The following PRR5L variants were observed in gnomAD, a reference collection of about 807,000 sequenced individuals.
PRR5L encodes proline-rich protein 5-like.
Under a neutral mutation model 36.4 loss-of-function variants are expected in PRR5L, and 21 were observed. The ratio of observed to expected loss-of-function variants is 0.58; its 90% CI spans 0.41 to 0.83. The LOEUF (loss-of-function observed/expected upper bound fraction) is 0.83. Among genes scored for constraint, PRR5L ranks in the 40% least tolerant of loss-of-function variants. The pLI is 0.00. For synonymous variants in PRR5L, 188 were observed against 197.0 expected (o/e 0.95, Z 0.38); for missense variants, 381 against 473.3 (o/e 0.80, Z 1.81).
chr11:36,427,948 T>TG (rs978156092), intron 4 of PRR5L, among the ~76,000 whole-genome samples: 6 of 152,210 alleles, frequency 3.9e-5, no homozygotes, highest in African/African-American at 1.4e-4. Flanking sequence ...ACATCTGCAC[T>TG]GGGCACTCTT....
intron 4 of PRR5L, among the ~76,000 whole-genome samples, chr11:36,424,816 C>A (rs1258293378): frequency 6.6e-6 from 1 of 151,626 alleles, no homozygotes; most frequent in Non-Finnish European, 1.5e-5. Flanking sequence ...GGTTAGGGCC[C>A]AAGTGATCTG....
rs1316750458 is a variant in PRR5L, at chr11:36,464,835, C to T, written c.*2099C>T. On this transcript the variant is annotated 3_prime_UTR_variant, in exon 9 of 9. Transcript: ENST00000530639. ...AGCAGTCATCAATTAAATATATAAG[C>T]TCTTAAAATGAGAATGGAAGTGTCA... is the stretch of plus-strand genomic sequence containing the variant. 6.6e-6 allele frequency: 1 copy of T among 152,190 alleles called. No homozygotes were observed. The highest frequency in any genetic ancestry group is 1.5e-5 in the Non-Finnish European group (1 of 68,030). The allele number at this position is 152,190 out of a possible 1,614,324, so 9.4% of individuals were successfully genotyped here. A position where few individuals can be genotyped will look rare whatever the true frequency, so the allele number is the denominator to read the frequency against.
Position 36,318,946 on chromosome 11 carries a change from G to T in PRR5L, c.-126+22508G>T, listed in dbSNP as rs115219833. On this transcript the variant is annotated intron_variant, in intron 1 of 8. Coordinates refer to ENST00000530639, the MANE Select transcript of PRR5L (RefSeq NM_001160167.2). ...AGAACTGATTTCCTTGACTTTTCTCGATTTTTTACTAGAAAGGTCCTAATA... is the reference window on the plus strand; with the variant it reads ...AGAACTGATTTCCTTGACTTTTCTCTATTTTTTACTAGAAAGGTCCTAATA... Among the ~76,000 whole-genome samples the T allele has an allele frequency of 2.9e-3, 441 of 152,246 alleles. 6 individuals carry two copies. Among genetic ancestry groups the T allele is most frequent in the African/African-American group, 9.9e-3 (413 of 41,542 alleles).
At chr11:36,376,691 G>C in intron 1 of PRR5L, 5 of 990,682 alleles carry the variant, frequency 5.0e-6, no homozygotes, top group Non-Finnish European at 6.0e-6. Context: ...ATTCACGCCG[G>C]GGACCCCAAG....
chr11:36,449,586 G>A (rs1015248157), intron 7 of PRR5L, among the ~76,000 whole-genome samples: 5 of 152,218 alleles, frequency 3.3e-5, no homozygotes, highest in African/African-American at 9.6e-5. Context: ...TGAGACCACC[G>A]GAATGGTGCA....
intron 3 of PRR5L, among the ~76,000 whole-genome samples, chr11:36,408,326 G>A (rs11033597): frequency 0.23 from 34,598 of 151,476 alleles, 5,592 homozygotes; most frequent in African/African-American, 0.47. Context: ...TCAATATAGC[G>A]GCCAATGTTG....
In PRR5L at chr11:36,464,493, AGATCTGCT is replaced by A. The variant is rs748792021; in HGVS notation, c.*1768_*1775del. On this transcript the variant is annotated 3_prime_UTR_variant, in exon 9 of 9. Transcript: ENST00000530639. ...GTGATGGGAGAGAAATGTCCAAAAG[AGATCTGCT>A]GATCTGCTGAGAGTTTCAAACAAAC... 19 of 152,368 alleles carry A rather than the reference AGATCTGCT, an allele frequency of 1.2e-4. No individual in the cohort carries two copies. The East Asian group carries it at 3.7e-3, about 29-fold the overall frequency. The allele number at this position is 152,368 out of a possible 1,614,324, so 9.4% of individuals were successfully genotyped here.
chr11:36,341,937 A>G (rs1385770085), intron 1 of PRR5L, among the ~76,000 whole-genome samples: 1 of 152,266 alleles, frequency 6.6e-6, no homozygotes, highest in African/African-American at 2.4e-5. Context: ...GGAAGCGGAA[A>G]GAAATGTTGG....
intron 3 of PRR5L, among the ~76,000 whole-genome samples, chr11:36,414,206 T>C (rs905411094): frequency 6.6e-6 from 1 of 151,606 alleles, no homozygotes; most frequent in African/African-American, 2.4e-5. Context: ...CAGCATGATT[T>C]ATAGTCCTTT....
chr11:36,351,411 ATG>A (rs1252934626), intron 1 of PRR5L, among the ~76,000 whole-genome samples: 48 of 80,318 alleles, frequency 6.0e-4, no homozygotes, highest in Non-Finnish European at 8.3e-4. Context: ...ATAAATATAT[ATG>A]TATATATATT....
chr11:36,312,165 G>A (rs1211616639), intron 1 of PRR5L, among the ~76,000 whole-genome samples: 1 of 152,168 alleles, frequency 6.6e-6, no homozygotes, highest in Non-Finnish European at 1.5e-5. Flanking sequence ...TTTTTGAGAA[G>A]CACGTAAATA....
intron 4 of PRR5L, among the ~76,000 whole-genome samples, chr11:36,425,073 C>T (rs1221561572): frequency 6.6e-6 from 1 of 152,130 alleles, no homozygotes; most frequent in Admixed American, 6.5e-5. Context: ...CCACCCGCCT[C>T]GGCCTCCCAA....
intron 1 of PRR5L, among the ~76,000 whole-genome samples, chr11:36,350,772 G>A (rs1856921901): frequency 6.6e-6 from 1 of 150,512 alleles, no homozygotes; most frequent in Non-Finnish European, 1.5e-5. Context: ...TCCCACTTAT[G>A]AGTGAGAACA....
In PRR5L at chr11:36,450,530, C is replaced by T. The variant is rs77524793; in HGVS notation, c.586-679C>T. Among the ~76,000 whole-genome samples the T allele has an allele frequency of 2.6e-5, 4 of 152,322 alleles. No homozygotes were observed. The East Asian group carries it at 7.7e-4, about 29-fold the overall frequency. On this transcript the variant is annotated intron_variant, in intron 7 of 8. Transcript: ENST00000530639. ...TTTACTCAGGGCTTAGCTCTGAGGA[C>T]TCCTGTCATGCCGGGGTTTTTAATT...
intron 1 of PRR5L, among the ~76,000 whole-genome samples, chr11:36,392,480 C>T (rs1857582068): frequency 6.6e-6 from 1 of 152,162 alleles, no homozygotes; most frequent in South Asian, 2.1e-4. Flanking sequence ...CCGGCATTTG[C>T]TATTGCCTGT....
intron 1 of PRR5L, among the ~76,000 whole-genome samples, chr11:36,387,781 C>T (rs879918355): frequency 2.0e-5 from 3 of 152,198 alleles, no homozygotes; most frequent in African/African-American, 4.8e-5. Flanking sequence ...CATAAAAGGT[C>T]TGAGAAGGCT....
At chr11:36,342,817 G>GA (rs1488696588) in intron 1 of PRR5L, among the ~76,000 whole-genome samples, 1 of 152,038 alleles carries the variant, frequency 6.6e-6, no homozygotes, top group Admixed American at 6.6e-5. Context: ...AAAGAAATGG[G>GA]AAAAAATTAA....
At chr11:36,435,535 A>G (rs1858586656) in intron 5 of PRR5L, among the ~76,000 whole-genome samples, 1 of 152,222 alleles carries the variant, frequency 6.6e-6, no homozygotes, top group African/African-American at 2.4e-5. Flanking sequence ...AGGGAGAGAA[A>G]GAGCAGTCAA....
chr11:36,379,908 G>A (rs1036157744), intron 1 of PRR5L, among the ~76,000 whole-genome samples: 2 of 152,118 alleles, frequency 1.3e-5, no homozygotes, highest in Non-Finnish European at 2.9e-5. Context: ...AACAACTCAG[G>A]TAGGAAGGTA....
Sources: allele counts gnomAD v4.1 joint callset (sites outside exome capture counted in the v4.1 genomes callset), GRCh38; gene constraint gnomAD v4.1.1; transcripts MANE v1.5; gene names NCBI Gene and HGNC (gene_info 2026-07-23, HGNC 2026-07-21).